The following ATRNL1 variants were observed in gnomAD, a reference collection of about 807,000 sequenced individuals.
The protein encoded by ATRNL1 is attractin-like protein 1.
Under a neutral mutation model 182.7 loss-of-function variants are expected in ATRNL1, and 95 were observed. The observed-to-expected ratio is 0.52, with a 90% CI of 0.44 to 0.62. ATRNL1 has a LOEUF of 0.62. Ranked by LOEUF, ATRNL1 falls within the 20% of genes least tolerant of loss-of-function variation. The pLI, the probability that ATRNL1 is intolerant of heterozygous loss-of-function variation, is 0.00. For missense variants in ATRNL1, 1,471 were observed against 1,679.5 expected, an observed-to-expected ratio of 0.88 and a Z score of 2.17; for synonymous variants, 576 against 568.3, an observed-to-expected ratio of 1.01 and a Z score of -0.19.
At chr10:115,537,132 C>G (rs1318783322) in intron 25 of ATRNL1, among the ~76,000 whole-genome samples, 1 of 152,088 alleles carries the variant, frequency 6.6e-6, no homozygotes, top group East Asian at 1.9e-4. Context: ...ATACTTAGGA[C>G]CTAACTGTTC....
chr10:115,856,894 G>A (rs1951202201), intron 28 of ATRNL1, among the ~76,000 whole-genome samples: 1 of 152,022 alleles, frequency 6.6e-6, no homozygotes, highest in Non-Finnish European at 1.5e-5. Context: ...TTGCTGTGAG[G>A]TATATGCAGT....
chr10:115,265,996 T>C (rs1298435940), intron 11 of ATRNL1, among the ~76,000 whole-genome samples: 2 of 151,914 alleles, frequency 1.3e-5, no homozygotes, highest in African/African-American at 2.4e-5. Flanking sequence ...AATGAAACTG[T>C]GTAACTGATA....
At chr10:115,696,853 G>A (rs1946575472) in intron 26 of ATRNL1, among the ~76,000 whole-genome samples, 2 of 150,364 alleles carry the variant, frequency 1.3e-5, no homozygotes, top group African/African-American at 5.0e-5. Flanking sequence ...AGCAGGTACA[G>A]TCATCACATA....
intron 26 of ATRNL1, among the ~76,000 whole-genome samples, chr10:115,614,387 T>C (rs1158623879): frequency 1.3e-5 from 2 of 152,176 alleles, no homozygotes; most frequent in East Asian, 3.8e-4. Context: ...AGAAGATATG[T>C]GATGTGATTT....
chr10:115,302,890 T>G (rs2133981240), intron 17 of ATRNL1, among the ~76,000 whole-genome samples: 1 of 152,290 alleles, frequency 6.6e-6, no homozygotes, highest in African/African-American at 2.4e-5. Flanking sequence ...AGCTAGCTTC[T>G]TCATAGCAGA....
chr10:115,822,712 C>T (rs1455585857), intron 27 of ATRNL1, among the ~76,000 whole-genome samples: 1 of 152,054 alleles, frequency 6.6e-6, no homozygotes, highest in African/African-American at 2.4e-5. Flanking sequence ...ACACATACAC[C>T]CTTCCAAGAC....
chr10:115,297,168 G>T (rs1853237401), intron 15 of ATRNL1, among the ~76,000 whole-genome samples: 1 of 152,094 alleles, frequency 6.6e-6, no homozygotes, highest in Non-Finnish European at 1.5e-5. Context: ...AATGGCTAGA[G>T]GATAAGATAT....
chr10:115,346,943 A>G (rs1365079666), intron 19 of ATRNL1, among the ~76,000 whole-genome samples: 2 of 152,060 alleles, frequency 1.3e-5, no homozygotes, highest in African/African-American at 2.4e-5. Flanking sequence ...ATCCATTGCC[A>G]TATGTAACAT....
intron 26 of ATRNL1, among the ~76,000 whole-genome samples, chr10:115,566,976 C>T (rs1010892579): frequency 6.6e-6 from 1 of 151,986 alleles, no homozygotes; most frequent in African/African-American, 2.4e-5. Flanking sequence ...TACTAACAAC[C>T]GAAATTCAGT....
Position 115,582,310 on chromosome 10 carries a change from G to T in ATRNL1, c.3795+32774G>T, listed in dbSNP as rs1197942498. ...GTATTTCTAGTTCTAGATCCCTGAG[G>T]AATCGCCACACTGACTTCCACAATG... On this transcript the variant is annotated intron_variant, in intron 26 of 28. Transcript: ENST00000355044. Among the ~76,000 whole-genome samples the T allele has an allele frequency of 2.0e-4, 30 of 146,534 alleles. No homozygotes were observed. The East Asian group carries it at 3.3e-3, about 16-fold the overall frequency.
At chr10:115,850,737 A>C (rs1200825864) in intron 28 of ATRNL1, among the ~76,000 whole-genome samples, 1 of 152,232 alleles carries the variant, frequency 6.6e-6, no homozygotes, top group African/African-American at 2.4e-5. Flanking sequence ...TGAATCTGTT[A>C]GCTTCAGCTA....
intron 28 of ATRNL1, among the ~76,000 whole-genome samples, chr10:115,937,412 G>A (rs1953593699): frequency 6.6e-6 from 1 of 152,162 alleles, no homozygotes; most frequent in Non-Finnish European, 1.5e-5. Flanking sequence ...TCATTCCAGT[G>A]TCTTCGGCAC....
chr10:115,545,049 T>G (rs1554993236), intron 25 of ATRNL1, among the ~76,000 whole-genome samples: 1 of 151,978 alleles, frequency 6.6e-6, no homozygotes, highest in Non-Finnish European at 1.5e-5. Context: ...TATTACCCTA[T>G]ATAAGGATAA....
chr10:115,153,706 GTC>G, intron 5 of ATRNL1, among the ~76,000 whole-genome samples: 1 of 151,946 alleles, frequency 6.6e-6, no homozygotes, highest in East Asian at 1.9e-4. Context: ...GGTTTTTTGT[GTC>G]TCTATCTCCT....
At chr10:115,675,781 C>A (rs1196605704) in intron 26 of ATRNL1, among the ~76,000 whole-genome samples, 1 of 152,076 alleles carries the variant, frequency 6.6e-6, no homozygotes, top group Non-Finnish European at 1.5e-5. Context: ...TAGTCTTTTA[C>A]ATACTTTACA....
chr10:115,252,012 G>C (rs1463258541), intron 10 of ATRNL1, among the ~76,000 whole-genome samples: 2 of 152,052 alleles, frequency 1.3e-5, no homozygotes, highest in Non-Finnish European at 2.9e-5. Context: ...CTGTCTAGCT[G>C]TCTAGGTTTG....
At chr10:115,192,953 G>A (rs114056961) in intron 8 of ATRNL1, among the ~76,000 whole-genome samples, 24 of 151,634 alleles carry the variant, frequency 1.6e-4, no homozygotes, top group African/African-American at 4.6e-4. Context: ...TATGTTTATC[G>A]GTTCCAGTAG....
chr10:115,357,495 C>T (rs1263854031), intron 19 of ATRNL1, among the ~76,000 whole-genome samples: 2 of 151,640 alleles, frequency 1.3e-5, no homozygotes, highest in Non-Finnish European at 3.0e-5. Context: ...AGGAAAGCTT[C>T]AGCATAAATA....
chr10:115,740,833 C>T (rs1418228950), intron 27 of ATRNL1, among the ~76,000 whole-genome samples: 1 of 13,156 alleles, frequency 7.6e-5, no homozygotes, highest in Non-Finnish European at 2.6e-3. Context: ...CACACACACA[C>T]ACACACACAC....
Sources: allele counts gnomAD v4.1 joint callset (sites outside exome capture counted in the v4.1 genomes callset), GRCh38; gene constraint gnomAD v4.1.1; transcripts MANE v1.5; gene names NCBI Gene and HGNC (gene_info 2026-07-23, HGNC 2026-07-21).